FSTL4: variants seen among roughly 807,000 people sequenced by gnomAD.
FSTL4 encodes the protein follistatin like 4, also known as follistatin-related protein 4.
Under a neutral mutation model 78.2 loss-of-function variants are expected in FSTL4, and 28 were observed. That is an observed-to-expected ratio of 0.36 (90% CI 0.27 to 0.49). The LOEUF (loss-of-function observed/expected upper bound fraction) is 0.49, where lower values mean the gene tolerates loss of function less well. FSTL4 is among the 20% of genes least tolerant of loss of function. The probability of loss-of-function intolerance (pLI) is 0.98; values close to 1 mark genes in which losing one functional copy is unlikely to be tolerated. For synonymous variants in FSTL4, 422 were observed against 440.5 expected (o/e 0.96, Z 0.53); for missense variants, 922 against 1,084.9 (o/e 0.85, Z 2.11).
chr5:133,389,581 G>C (rs1162519961), intron 4 of FSTL4, among the ~76,000 whole-genome samples: 1 of 152,108 alleles, frequency 6.6e-6, no homozygotes, highest in Non-Finnish European at 1.5e-5. Context: ...TTCTTCTTTT[G>C]TAGCTTTATA....
the FSTL4 span, among the ~76,000 whole-genome samples, chr5:133,731,481 T>C: frequency 6.6e-6 from 1 of 151,978 alleles, no homozygotes; most frequent in Admixed American, 6.6e-5. Context: ...ACACAAACAC[T>C]CTAACACATG....
intron 4 of FSTL4, among the ~76,000 whole-genome samples, chr5:133,327,057 C>T (rs1406087925): frequency 2.0e-5 from 3 of 152,150 alleles, no homozygotes; most frequent in Non-Finnish European, 2.9e-5. Flanking sequence ...GGGGAAGGGA[C>T]GTGGCTGGAC....
intron 12 of FSTL4, among the ~76,000 whole-genome samples, chr5:133,218,544 C>A (rs988145693): frequency 6.6e-6 from 1 of 152,332 alleles, no homozygotes; most frequent in South Asian, 2.1e-4. Flanking sequence ...AGGCCCTCTA[C>A]ATTCGGTCTG....
intron 14 of FSTL4, among the ~76,000 whole-genome samples, chr5:133,205,410 GTGTT>G (rs1165218145): frequency 1.3e-5 from 2 of 148,366 alleles, no homozygotes; most frequent in South Asian, 2.1e-4. Context: ...TGTGTGTGTA[GTGTT>G]TGTTTATACA....
the FSTL4 span, among the ~76,000 whole-genome samples, chr5:133,714,410 T>A: frequency 1.3e-5 from 2 of 152,070 alleles, no homozygotes; most frequent in African/African-American, 4.8e-5. Flanking sequence ...AGATTCTAAC[T>A]CATGCCAAGC....
the FSTL4 span, among the ~76,000 whole-genome samples, chr5:133,792,910 C>T: frequency 6.6e-6 from 1 of 152,120 alleles, no homozygotes; most frequent in South Asian, 2.1e-4. Context: ...AACTCGGGCT[C>T]AGAGCAGGAG....
At chr5:133,446,112 G>C (rs1757259406) in intron 3 of FSTL4, among the ~76,000 whole-genome samples, 1 of 152,228 alleles carries the variant, frequency 6.6e-6, no homozygotes, top group African/African-American at 2.4e-5. Context: ...CCCTATTTGG[G>C]GGCAGCCAGA....
At chr5:133,700,126 A>G in the FSTL4 span, among the ~76,000 whole-genome samples, 1 of 152,052 alleles carries the variant, frequency 6.6e-6, no homozygotes, top group African/African-American at 2.4e-5. Context: ...GCCACACCAA[A>G]CCACCACACC....
chr5:133,322,612 C>T (rs1399268406), intron 4 of FSTL4, among the ~76,000 whole-genome samples: 1 of 152,174 alleles, frequency 6.6e-6, no homozygotes, highest in Non-Finnish European at 1.5e-5. Context: ...CTGTGTAGAA[C>T]ACACCGCAGA....
At chr5:133,507,628 C>T (rs1196349194) in intron 3 of FSTL4, among the ~76,000 whole-genome samples, 1 of 150,672 alleles carries the variant, frequency 6.6e-6, no homozygotes, top group African/African-American at 2.4e-5. Context: ...GTTCAAGAGA[C>T]TCTCCTGCCT....
intron 3 of FSTL4, among the ~76,000 whole-genome samples, chr5:133,425,192 A>G (rs1284388557): frequency 1.3e-5 from 2 of 151,914 alleles, no homozygotes; most frequent in Non-Finnish European, 2.9e-5. Flanking sequence ...TTAGTTTGTA[A>G]ATCTTTTTAA....
intron 6 of FSTL4, among the ~76,000 whole-genome samples, chr5:133,259,782 G>A (rs943514104): frequency 6.9e-6 from 1 of 145,848 alleles, no homozygotes; most frequent in African/African-American, 2.8e-5. Context: ...GAAGGGACAG[G>A]GCTGGGAAAT....
intron 3 of FSTL4, among the ~76,000 whole-genome samples, chr5:133,459,080 A>C (rs1296385800): frequency 6.6e-6 from 1 of 152,134 alleles, no homozygotes; most frequent in Non-Finnish European, 1.5e-5. Context: ...TGCCTCTGGA[A>C]GCAGGAGGGC....
chr5:133,474,820 T>C (rs893148122), intron 3 of FSTL4, among the ~76,000 whole-genome samples: 1 of 152,242 alleles, frequency 6.6e-6, no homozygotes, highest in African/African-American at 2.4e-5. Context: ...GCAACTGCTT[T>C]GCAGTTTTGA....
At chr5:133,282,333 C>A (rs1561655744) in intron 6 of FSTL4, among the ~76,000 whole-genome samples, 1 of 152,060 alleles carries the variant, frequency 6.6e-6, no homozygotes, top group Non-Finnish European at 1.5e-5. Context: ...AACACTGGGG[C>A]CCCAGAGGAG....
intron 2 of FSTL4, among the ~76,000 whole-genome samples, chr5:133,572,060 A>C (rs1014242395): frequency 6.6e-6 from 1 of 152,216 alleles, no homozygotes; most frequent in African/African-American, 2.4e-5. Flanking sequence ...ACAAGCCCCA[A>C]GCAAGATAAA....
intron 6 of FSTL4, among the ~76,000 whole-genome samples, chr5:133,284,613 C>A (rs1314813608): frequency 1.3e-5 from 2 of 152,170 alleles, no homozygotes; most frequent in African/African-American, 4.8e-5. Context: ...TCTGGAACCA[C>A]TCCTTGGACT....
chr5:133,394,674 G>A (rs1359227265), intron 4 of FSTL4, among the ~76,000 whole-genome samples: 2 of 152,278 alleles, frequency 1.3e-5, no homozygotes, highest in Middle Eastern at 3.4e-3. Context: ...CCTCCCCAAC[G>A]AGCGCCGCCA....
At chr5:133,811,640 C>T in the FSTL4 span, among the ~76,000 whole-genome samples, 39,628 of 152,106 alleles carry the variant, frequency 0.26, 5,448 homozygotes, top group East Asian at 0.48. Context: ...TCTGGTTTGG[C>T]TTCTGTACTT....
Sources: gnomAD v4.1 joint callset for allele counts (sites outside exome capture counted in the v4.1 genomes callset) on GRCh38, gnomAD v4.1.1 for gene constraint, MANE v1.5 for transcripts, NCBI Gene and HGNC (gene_info 2026-07-23, HGNC 2026-07-21) for gene names.